Variants in KAT6B observed in about 807,000 individuals in gnomAD.
The protein encoded by KAT6B is lysine acetyltransferase 6B.
A neutral mutation model predicts 187.5 loss-of-function variants in KAT6B; 10 were observed. That is an observed-to-expected ratio of 0.05 (90% CI 0.03 to 0.09). KAT6B has a LOEUF of 0.09. Among genes scored for constraint, KAT6B ranks in the 10% least tolerant of loss-of-function variants. KAT6B has a pLI of 1.00. For synonymous variants in KAT6B, 861 were observed against 926.8 expected (o/e 0.93, Z 1.29); for missense variants, 1,952 against 2,558.9 (o/e 0.76, Z 5.12).
rs201769534 is a variant in KAT6B, at chr10:75,022,093, G to GGAGGAGGAAGAA, written c.3252_3263dup (p.Glu1086_Glu1089dup). 116 of 1,607,312 alleles carry GGAGGAGGAAGAA rather than the reference G, an allele frequency of 7.2e-5. No homozygotes were observed. In the African/African-American group the frequency reaches 1.1e-3, roughly 15 times the overall value. ...AAGAAGAAGAGGAGGAGGAGGACGA[G>GGAGGAGGAAGAA]GAGGAGGAAGAAGAGGAGGAAGAAG... On this transcript the variant is annotated inframe_insertion, in exon 16 of 18. Transcript: ENST00000287239.
Position 75,031,134 on chromosome 10 carries a change from G to A in KAT6B, c.*88G>A, listed in dbSNP as rs1846295007. The A allele has an allele frequency of 6.9e-7, 1 of 1,453,322 alleles. No homozygotes were observed. The allele number at this position is 1,453,322 out of a possible 1,614,324, so 90.0% of individuals were successfully genotyped here. On this transcript the variant is annotated 3_prime_UTR_variant, in exon 18 of 18. Coordinates refer to ENST00000287239, the MANE Select transcript of KAT6B (RefSeq NM_012330.4). The stretch of plus-strand genomic sequence containing the variant: ...TTTGAAGAGTACGATTTCAAAACCA[G>A]CAATTGGTGTGAATGCAAAAACATT...
intron 3 of KAT6B, among the ~76,000 whole-genome samples, chr10:74,941,027 A>T (rs546272158): frequency 6.6e-6 from 1 of 152,340 alleles, no homozygotes; most frequent in African/African-American, 2.4e-5. Flanking sequence ...AGACTTAGGC[A>T]TGTGCATTTT....
At chr10:74,842,454 A>G in intron 2 of KAT6B, 146 bp from the exon 3 acceptor site, 1 of 436,810 alleles carries the variant, frequency 2.3e-6, no homozygotes, top group Non-Finnish European at 4.0e-6. Flanking sequence ...TGAAAAATAT[A>G]GTCACTGTGG....
intron 3 of KAT6B, among the ~76,000 whole-genome samples, chr10:74,933,360 G>T (rs1337415764): frequency 2.0e-5 from 3 of 152,160 alleles, no homozygotes; most frequent in African/African-American, 7.2e-5. Flanking sequence ...TGTTTGGGTG[G>T]TTCTGTGGTG....
In KAT6B at chr10:74,997,785, C is replaced by T. The variant is rs571239335; in HGVS notation, c.2629+8673C>T. On this transcript the variant is annotated intron_variant, in intron 13 of 17. Coordinates refer to ENST00000287239, the MANE Select transcript of KAT6B (RefSeq NM_012330.4). ...CTTTGACAGTGTGTATCAAAAACAT[C>T]TAATGGTTTTTTTTTTTAATAAAAT... Among the ~76,000 whole-genome samples, 36 of 151,910 alleles carry T rather than the reference C, an allele frequency of 2.4e-4. No homozygotes were observed. The South Asian group carries it at 7.5e-3, about 32-fold the overall frequency.
At position 75,031,183 on chromosome 10, in the gene KAT6B, A is replaced by C; in HGVS notation, c.*137A>C. ...TTTGTTGGCACCATTTATTTAAAAA[A>C]AAAAAAAGCTGTATGCAGCAGAAAG... On this transcript the variant is annotated 3_prime_UTR_variant, in exon 18 of 18. Transcript: ENST00000287239. 9.4e-7 allele frequency: 1 copy of C among 1,064,586 alleles called. No homozygotes were observed. Among genetic ancestry groups the C allele is most frequent in the South Asian group, 1.5e-5 (1 of 68,554 alleles). The allele number at this position is 1,064,586 out of a possible 1,614,324, so 65.9% of individuals were successfully genotyped here. A position where few individuals can be genotyped will look rare whatever the true frequency, so the allele number is the denominator to read the frequency against.
chr10:74,999,112 T>G (rs1267110178), intron 13 of KAT6B, among the ~76,000 whole-genome samples: 2 of 152,138 alleles, frequency 1.3e-5, no homozygotes, highest in African/African-American at 2.4e-5. Context: ...TTGCTGTAAC[T>G]AAAAAGAAAA....
rs1187908255 is a variant in KAT6B at position 75,013,331 on chromosome 10, A to G, written c.2630-7251A>G. Among the ~76,000 whole-genome samples the G allele has an allele frequency of 4.6e-5, 7 of 151,532 alleles. No individual in the cohort carries two copies. The East Asian group carries it at 1.2e-3, about 25-fold the overall frequency. On this transcript the variant is annotated intron_variant, in intron 13 of 17. Coordinates refer to ENST00000287239, the MANE Select transcript of KAT6B (RefSeq NM_012330.4). ...TGTGTTTGCTGGGAACTTTGTTGCC[A>G]TTTCTTAAGACCACTCCTGAGGCAG...
chr10:74,991,283 C>T lies in KAT6B; in HGVS notation c.2629+2171C>T, dbSNP rs530325243. Among the ~76,000 whole-genome samples, 43 of 151,996 alleles carry T rather than the reference C, an allele frequency of 2.8e-4. 1 individual carries two copies. The South Asian group carries it at 8.7e-3, about 31-fold the overall frequency. On this transcript the variant is annotated intron_variant, in intron 13 of 17. Transcript: ENST00000287239. ...ATTTTATTGATATAAACTAAATTTC[C>T]AAATTGATATATGGTTGCTGTCCAC...
chr10:74,972,990 C>T (rs1275890711), intron 7 of KAT6B, among the ~76,000 whole-genome samples: 2 of 152,102 alleles, frequency 1.3e-5, no homozygotes, highest in African/African-American at 4.8e-5. Context: ...AATTTTAAAA[C>T]GAGAGGGATT....
At chr10:74,827,724 A>G (rs1240275699) in intron 1 of KAT6B, among the ~76,000 whole-genome samples, 1 of 152,134 alleles carries the variant, frequency 6.6e-6, no homozygotes, top group African/African-American at 2.4e-5. Flanking sequence ...GGAGCTGTAC[A>G]GTAATTTTCG....
intron 3 of KAT6B, among the ~76,000 whole-genome samples, chr10:74,893,319 A>C (rs1845763609): frequency 6.6e-6 from 1 of 152,130 alleles, no homozygotes. Context: ...CTTTTTCCTC[A>C]CTGCTGTTCT....
intron 3 of KAT6B, among the ~76,000 whole-genome samples, chr10:74,924,078 C>G (rs1237367690): frequency 1.3e-5 from 2 of 152,026 alleles, no homozygotes; most frequent in African/African-American, 4.8e-5. Context: ...GGTTATTGGC[C>G]TGAATAACTG....
intron 3 of KAT6B, among the ~76,000 whole-genome samples, chr10:74,864,681 A>AT (rs1843431563): frequency 6.6e-6 from 1 of 152,128 alleles, no homozygotes; most frequent in South Asian, 2.1e-4. Context: ...AGCTGGGATT[A>AT]TAGGCATGGG....
At position 74,963,140 on chromosome 10, in the gene KAT6B, A is replaced by C. The variant is rs117249014; in HGVS notation, c.730+3062A>C. On this transcript the variant is annotated intron_variant, in intron 4 of 17. Coordinates refer to ENST00000287239, the MANE Select transcript of KAT6B (RefSeq NM_012330.4). ...AATGTGAAGGATTATTCCAGCCACT[A>C]ATATGAATGTGGGAATCATCAGATA... 5.3e-4 allele frequency among the ~76,000 whole-genome samples: 81 copies of C among 152,352 alleles called. No individual in the cohort carries two copies. The East Asian group carries it at 0.014, about 26-fold the overall frequency.
At chr10:74,986,313 A>G (rs935821825) in intron 12 of KAT6B, among the ~76,000 whole-genome samples, 1 of 152,236 alleles carries the variant, frequency 6.6e-6, no homozygotes, top group Non-Finnish European at 1.5e-5. Flanking sequence ...ATGTACCAGG[A>G]TGGTACATAA....
At chr10:74,941,908 G>A (rs1046128404) in intron 3 of KAT6B, among the ~76,000 whole-genome samples, 5 of 152,150 alleles carry the variant, frequency 3.3e-5, no homozygotes, top group Admixed American at 3.3e-4. Flanking sequence ...TTGGGAGGCC[G>A]AGGCGGGCAG....
chr10:74,892,901 G>A (rs1167727203), intron 3 of KAT6B, among the ~76,000 whole-genome samples: 1 of 152,206 alleles, frequency 6.6e-6, no homozygotes, highest in East Asian at 1.9e-4. Flanking sequence ...CCCCCATGTG[G>A]CTGGAGCTGC....
chr10:74,960,896 A>C (rs1293753339), intron 4 of KAT6B, among the ~76,000 whole-genome samples: 1 of 152,232 alleles, frequency 6.6e-6, no homozygotes, highest in Non-Finnish European at 1.5e-5. Context: ...CACGTAATTT[A>C]AAATCTTATC....
Sources: gnomAD v4.1 joint callset for allele counts (sites outside exome capture counted in the v4.1 genomes callset) on GRCh38, gnomAD v4.1.1 for gene constraint, MANE v1.5 for transcripts, NCBI Gene and HGNC (gene_info 2026-07-23, HGNC 2026-07-21) for gene names.